The following PRELID2 variants were observed in gnomAD, a reference collection of about 807,000 sequenced individuals.
PRELID2 encodes PRELI domain-containing protein 2.
PRELID2 carries 25 observed loss-of-function variants against 28.4 expected under a neutral mutation model. The ratio of observed to expected loss-of-function variants is 0.88; its 90% CI spans 0.64 to 1.23. The LOEUF (loss-of-function observed/expected upper bound fraction) is 1.23, where lower values mean the gene tolerates loss of function less well. Among genes scored for constraint, PRELID2 ranks in the 50% most tolerant of loss-of-function variants. The pLI, the probability that PRELID2 is intolerant of heterozygous loss-of-function variation, is 0.00. For missense variants in PRELID2, 201 were observed against 214.4 expected (o/e 0.94, Z 0.39); for synonymous variants, 76 against 71.6 (o/e 1.06, Z -0.31).
At position 145,512,232 on chromosome 5, in the gene PRELID2, T is replaced by G. The variant is rs2126641796; in HGVS notation, n.71-38917A>C. On this transcript the variant is annotated intron_variant and non_coding_transcript_variant, in intron 1 of 2. Coordinates refer to the PRELID2 transcript ENST00000510259. ...ATCAACACAGAAGGCAGGTGATTTC[T>G]ACACTTCTAACTGAGGTACCCAGTT... 1.3e-5 allele frequency among the ~76,000 whole-genome samples: 2 copies of G among 152,280 alleles called. 1 individual carries two copies. The highest frequency in any genetic ancestry group is 4.1e-4 in the South Asian group (2 of 4,828).
the PRELID2 span, among the ~76,000 whole-genome samples, chr5:145,432,126 A>C: frequency 6.6e-6 from 1 of 152,210 alleles, no homozygotes; most frequent in African/African-American, 2.4e-5. Flanking sequence ...AGCTTGTAGT[A>C]GTAAAATGAT....
At chr5:145,257,653 T>C in the PRELID2 span, among the ~76,000 whole-genome samples, 1 of 152,260 alleles carries the variant, frequency 6.6e-6, no homozygotes, top group East Asian at 1.9e-4. Context: ...TGGTATAACA[T>C]GCAAATATTA....
intron 1 of PRELID2, among the ~76,000 whole-genome samples, chr5:145,479,027 A>G (rs1015797665): frequency 6.6e-6 from 1 of 152,210 alleles, no homozygotes; most frequent in East Asian, 1.9e-4. Context: ...ACTTGACCAG[A>G]ACCTGAACAT....
the PRELID2 span, among the ~76,000 whole-genome samples, chr5:145,378,193 A>G: frequency 1.3e-5 from 2 of 152,072 alleles, no homozygotes; most frequent in Non-Finnish European, 2.9e-5. Flanking sequence ...AAATGGCCTG[A>G]CCTTTCTTTC....
At chr5:145,724,619 AT>A in intron 1 of PRELID2, among the ~76,000 whole-genome samples, 1 of 68,634 alleles carries the variant, frequency 1.5e-5, no homozygotes, top group African/African-American at 6.1e-5. Flanking sequence ...ATATATATAT[AT>A]ATATATATAT....
At chr5:145,410,292 A>C in the PRELID2 span, among the ~76,000 whole-genome samples, 24 of 152,222 alleles carry the variant, frequency 1.6e-4, no homozygotes, top group Non-Finnish European at 2.8e-4. Context: ...AAATGCAACA[A>C]AAACAAAAAT....
intron 1 of PRELID2, among the ~76,000 whole-genome samples, chr5:145,743,854 T>C (rs543516913): frequency 6.6e-6 from 1 of 152,336 alleles, no homozygotes; most frequent in East Asian, 1.9e-4. Context: ...GCCTGCTGTC[T>C]AAGCCATTTG....
At chr5:145,606,912 A>C (rs1193961314) in intron 1 of PRELID2, among the ~76,000 whole-genome samples, 3 of 151,984 alleles carry the variant, frequency 2.0e-5, no homozygotes, top group Non-Finnish European at 4.4e-5. Flanking sequence ...TTACTGATTC[A>C]ATTTTGGAAC....
chr5:145,569,197 G>A (rs951920956), intron 1 of PRELID2, among the ~76,000 whole-genome samples: 1 of 152,146 alleles, frequency 6.6e-6, no homozygotes. Context: ...ATTCAAAATA[G>A]AGGGCAAAAC....
intron 1 of PRELID2, among the ~76,000 whole-genome samples, chr5:145,615,964 T>C (rs1175575168): frequency 6.6e-6 from 1 of 152,236 alleles, no homozygotes; most frequent in Non-Finnish European, 1.5e-5. Context: ...ATTTTGTTTG[T>C]CTGAAAAAGA....
chr5:145,764,859 G>T, intron 6 of PRELID2, 72 bp downstream of exon 6: 1 of 1,129,472 alleles, frequency 8.9e-7, no homozygotes, highest in Non-Finnish European at 1.3e-6. Flanking sequence ...GGAGGCTGCT[G>T]TAGAATACCA....
At chr5:145,717,652 G>A (rs1026996115) in intron 1 of PRELID2, among the ~76,000 whole-genome samples, 1 of 150,736 alleles carries the variant, frequency 6.6e-6, no homozygotes, top group Non-Finnish European at 1.5e-5. Context: ...TTTATTTCTT[G>A]TATTATTTAA....
chr5:145,281,330 T>C, the PRELID2 span, among the ~76,000 whole-genome samples: 40 of 152,148 alleles, frequency 2.6e-4, no homozygotes, highest in Admixed American at 9.2e-4. Context: ...ACCCATGTAA[T>C]CTATAAATGG....
chr5:145,758,230 G>A lies in PRELID2; in HGVS notation c.*2306C>T, dbSNP rs138344857. Among the ~76,000 whole-genome samples, 656 of 151,888 alleles carry A rather than the reference G, an allele frequency of 4.3e-3. 23 individuals are homozygous for A. The highest frequency in any genetic ancestry group is 0.036 in the Admixed American group (545 of 15,258). On this transcript the variant is annotated 3_prime_UTR_variant, in exon 7 of 7. Transcript: ENST00000683046. The stretch of plus-strand genomic sequence containing the variant: ...ATAGGAAATACTAAAAAAGACCAAC[G>A]ACACAACCGCACTGTGCTGGAACCG...
intron 1 of PRELID2, among the ~76,000 whole-genome samples, chr5:145,677,406 C>T (rs1329901320): frequency 3.3e-5 from 5 of 152,030 alleles, no homozygotes; most frequent in Admixed American, 6.6e-5. Flanking sequence ...CCACCTACCT[C>T]GGCCTCCCAA....
chr5:145,546,659 G>C (rs1038124135), intron 1 of PRELID2, among the ~76,000 whole-genome samples: 2 of 152,316 alleles, frequency 1.3e-5, no homozygotes, highest in Admixed American at 6.5e-5. Flanking sequence ...AGGTAGAGCA[G>C]AGATGGAATG....
intron 1 of PRELID2, among the ~76,000 whole-genome samples, chr5:145,746,064 C>G (rs113254251): frequency 0.045 from 6,850 of 152,178 alleles, 210 homozygotes; most frequent in Non-Finnish European, 0.066. Flanking sequence ...CAAAAACACA[C>G]CAAAATATAA....
the PRELID2 span, among the ~76,000 whole-genome samples, chr5:145,301,281 A>G: frequency 1.6e-4 from 24 of 152,214 alleles, 1 homozygote; most frequent in South Asian, 4.8e-3. Flanking sequence ...TTCACCATTC[A>G]TGTATTTCCT....
chr5:145,331,755 T>C, the PRELID2 span, among the ~76,000 whole-genome samples: 18 of 152,212 alleles, frequency 1.2e-4, no homozygotes, highest in African/African-American at 4.1e-4. Context: ...AATTGGGGCA[T>C]TTAGCCCATT....
Sources: gnomAD v4.1 joint callset for allele counts (sites outside exome capture counted in the v4.1 genomes callset) on GRCh38, gnomAD v4.1.1 for gene constraint, MANE v1.5 for transcripts, NCBI Gene and HGNC (gene_info 2026-07-23, HGNC 2026-07-21) for gene names.